The following ASCC3 variants were observed in gnomAD, a reference collection of about 807,000 sequenced individuals.
The protein encoded by ASCC3 is activating signal cointegrator 1 complex subunit 3.
In ASCC3, 158 loss-of-function variants were observed where a neutral mutation model predicts 256.3. The observed-to-expected ratio is 0.62, with a 90% confidence interval of 0.54 to 0.70. The LOEUF (loss-of-function observed/expected upper bound fraction) is 0.70, where lower values mean the gene tolerates loss of function less well. Ranked by LOEUF, ASCC3 falls within the 30% of genes least tolerant of loss-of-function variation. The pLI is 0.00. For missense variants in ASCC3, 2,259 were observed against 2,626.0 expected, an observed-to-expected ratio of 0.86 and a Z score of 3.05; for synonymous variants, 948 against 883.4, an observed-to-expected ratio of 1.07 and a Z score of -1.30.
intron 3 of ASCC3, chr6:100,858,500 T>C (rs1773067854): frequency 2.4e-6 from 2 of 828,444 alleles, no homozygotes; most frequent in Non-Finnish European, 1.5e-6. Flanking sequence ...TATTCCTAGT[T>C]TGCTGAGATT....
At chr6:100,631,423 A>G (rs1038741663) in intron 25 of ASCC3, among the ~76,000 whole-genome samples, 3 of 152,008 alleles carry the variant, frequency 2.0e-5, no homozygotes, top group Non-Finnish European at 4.4e-5. Context: ...GTAACATATC[A>G]CAAACATTCT....
At chr6:100,587,600 AGAAGAAGATATT>A (rs1771768377) in intron 36 of ASCC3, among the ~76,000 whole-genome samples, 1 of 152,178 alleles carries the variant, frequency 6.6e-6, no homozygotes, top group South Asian at 2.1e-4. Context: ...ACACCATGGG[AGAAGAAGATATT>A]CTTGCTGTGG....
At chr6:100,582,121 A>C (rs1306764950) in intron 36 of ASCC3, among the ~76,000 whole-genome samples, 1 of 151,820 alleles carries the variant, frequency 6.6e-6, no homozygotes, top group Non-Finnish European at 1.5e-5. Context: ...AATTCTGTGA[A>C]GAAAGTCATT....
intron 4 of ASCC3, among the ~76,000 whole-genome samples, chr6:100,831,007 C>T (rs1345335405): frequency 6.6e-6 from 1 of 151,942 alleles, no homozygotes; most frequent in Non-Finnish European, 1.5e-5. Context: ...TTTCTTTTAC[C>T]TTGATCAAAC....
intron 26 of ASCC3, among the ~76,000 whole-genome samples, chr6:100,630,441 T>C (rs1010116274): frequency 1.1e-4 from 16 of 151,842 alleles, no homozygotes; most frequent in Non-Finnish European, 1.9e-4. Context: ...TTCTTTATCA[T>C]TTTGAAAAAA....
intron 3 of ASCC3, among the ~76,000 whole-genome samples, chr6:100,855,187 C>T (rs907990716): frequency 6.6e-5 from 10 of 151,718 alleles, no homozygotes; most frequent in African/African-American, 2.2e-4. Context: ...AATCTTGGCT[C>T]ACTGCAGCCT....
intron 14 of ASCC3, among the ~76,000 whole-genome samples, chr6:100,670,696 G>A (rs546556288): frequency 6.6e-6 from 1 of 151,366 alleles, no homozygotes; most frequent in Non-Finnish European, 1.5e-5. Flanking sequence ...CCATGGACAT[G>A]GAGGGCCATC....
chr6:100,589,868 T>C, intron 35 of ASCC3, 80 bp downstream of exon 35: 5 of 1,591,882 alleles, frequency 3.1e-6, no homozygotes, highest in Non-Finnish European at 4.3e-6. Context: ...TTTTAAAAAA[T>C]TTTGATAGTA....
chr6:100,677,092 T>C (rs530462344), intron 14 of ASCC3, among the ~76,000 whole-genome samples: 3 of 152,266 alleles, frequency 2.0e-5, no homozygotes, highest in Non-Finnish European at 4.4e-5. Flanking sequence ...ATGATGATAA[T>C]AGATCCCTTG....
chr6:100,516,684 A>G (rs1222348397), intron 38 of ASCC3, among the ~76,000 whole-genome samples: 2 of 152,156 alleles, frequency 1.3e-5, no homozygotes, highest in Non-Finnish European at 2.9e-5. Context: ...AAATGTCTTT[A>G]ATATAATTAC....
chr6:100,867,986 A>G lies in ASCC3; in HGVS notation c.12T>C (p.Pro4=). ...AGGAACGCAAGGCTCCTGTGAGACG[A>G]GGTAAAGCCATCTATTATTCAATCA... MAL[P]RLTGALRSFS... is the part of the protein sequence containing the mutation. The change falls in exon 2 of 42, where the codon CCT becomes CCC. Residue 4 remains proline, a synonymous_variant. Coordinates refer to ENST00000369162, the MANE Select transcript of ASCC3 (RefSeq NM_006828.4). 6.2e-7 allele frequency: 1 copy of G among 1,612,898 alleles called. No individual in the cohort carries two copies. The highest frequency in any genetic ancestry group is 8.5e-7 in the Non-Finnish European group (1 of 1,179,002).
At chr6:100,813,292 C>G (rs1216182388) in intron 4 of ASCC3, among the ~76,000 whole-genome samples, 1 of 151,940 alleles carries the variant, frequency 6.6e-6, no homozygotes, top group East Asian at 1.9e-4. Flanking sequence ...CCTGTCTCTA[C>G]TAAAAATACA....
intron 13 of ASCC3, 45 bp downstream of exon 13, chr6:100,715,417 C>T (rs757271385): frequency 2.6e-6 from 4 of 1,525,654 alleles, no homozygotes; most frequent in East Asian, 2.3e-5. Context: ...TAAGCACTCT[C>T]TAAAAGCAGA....
intron 36 of ASCC3, among the ~76,000 whole-genome samples, chr6:100,567,419 A>G (rs1025212046): frequency 1.3e-5 from 2 of 152,120 alleles, no homozygotes; most frequent in African/African-American, 2.4e-5. Context: ...CTTAATTTTA[A>G]TTATTTTCAA....
At chr6:100,720,508 G>T (rs1169428741) in intron 11 of ASCC3, among the ~76,000 whole-genome samples, 2 of 151,770 alleles carry the variant, frequency 1.3e-5, no homozygotes, top group African/African-American at 4.8e-5. Flanking sequence ...AACACATTCT[G>T]CCTCAAGTTA....
At chr6:100,522,370 G>A (rs1169441588) in intron 37 of ASCC3, among the ~76,000 whole-genome samples, 2 of 152,102 alleles carry the variant, frequency 1.3e-5, no homozygotes, top group Non-Finnish European at 2.9e-5. Flanking sequence ...CCTTATTTTA[G>A]TTAGCAAAAA....
rs1375256191 is a variant in ASCC3 at position 100,540,285 on chromosome 6, C to CAAATGAATGAGGATTTGATTCAATGG, written c.5627_5652dup (p.Asp1885ProfsTer63). ...AGATGTGCTTTGGTGTGAGGGCTGT[C>CAAATGAATGAGGATTTGATTCAATGG]AAATGAATGAGGATTTGATTCAATG... On this transcript the variant is annotated frameshift_variant, in exon 37 of 42. Transcript: ENST00000369162. LOFTEE classifies it high-confidence loss of function. 1.2e-6 allele frequency: 2 copies of CAAATGAATGAGGATTTGATTCAATGG among 1,612,404 alleles called. No individual in the cohort carries two copies. The highest frequency in any genetic ancestry group is 2.7e-5 in the African/African-American group (2 of 74,452).
rs746402874 is a variant in ASCC3 at position 100,625,295 on chromosome 6, A to G, written c.4682T>C (p.Phe1561Ser). ...SHSPAKPVLI[F>S]VSSRRQTRLT... ...ACGAGTTTGACGTCTTGATGAGACA[A>G]ATATCAAAACAGGTTTGGCTGGAGA... is the stretch of plus-strand genomic sequence containing the variant. Residue 1561 changes from phenylalanine (F) to serine (S), a missense_variant, in exon 30 of 42, where the codon TTT becomes TCT. This residue lies in a region of ASCC3 where 1,839 missense variants were observed against 2,206.7 expected (regional missense o/e 0.83). Coordinates refer to ENST00000369162, the MANE Select transcript of ASCC3 (RefSeq NM_006828.4). The G allele has an allele frequency of 6.2e-7, 1 of 1,612,956 alleles. No homozygotes were observed. Among genetic ancestry groups the G allele is most frequent in the East Asian group, 2.2e-5 (1 of 44,848 alleles).
At chr6:100,764,488 T>A (rs980320343) in intron 10 of ASCC3, among the ~76,000 whole-genome samples, 1 of 152,166 alleles carries the variant, frequency 6.6e-6, no homozygotes, top group South Asian at 2.1e-4. Flanking sequence ...TTGAGAAGCA[T>A]CTGGGAGATA....
Sources: gnomAD v4.1 joint callset for allele counts (sites outside exome capture counted in the v4.1 genomes callset) on GRCh38, gnomAD v4.1.1 for gene constraint, gnomAD v4.1.1 regional missense constraint, MANE v1.5 for transcripts, NCBI Gene and HGNC (gene_info 2026-07-23, HGNC 2026-07-21) for gene names.